GNA14: variants seen among roughly 807,000 people sequenced by gnomAD.
GNA14 encodes the protein G protein subunit alpha 14.
GNA14 carries 50 observed loss-of-function variants against 42.0 expected under a neutral mutation model. That is an observed-to-expected ratio of 1.19 (90% CI 0.95 to 1.51). GNA14 has a LOEUF of 1.51. GNA14 is among the 40% of genes most tolerant of loss of function. The probability of loss-of-function intolerance (pLI) is 0.00; values close to 1 mark genes in which losing one functional copy is unlikely to be tolerated. For missense variants in GNA14, 473 were observed against 446.2 expected (o/e 1.06, Z -0.54); for synonymous variants, 173 against 163.1 (o/e 1.06, Z -0.46).
chr9:77,579,851 C>T (rs1823188957), intron 1 of GNA14, among the ~76,000 whole-genome samples: 1 of 152,226 alleles, frequency 6.6e-6, no homozygotes. Flanking sequence ...CCCTTCCTTG[C>T]CACCAATCCC....
chr9:77,475,011 C>G (rs1490346306), intron 2 of GNA14, among the ~76,000 whole-genome samples: 2 of 139,894 alleles, frequency 1.4e-5, no homozygotes, highest in Non-Finnish European at 3.0e-5. Flanking sequence ...GAAATAGGAG[C>G]ATGATGGCTT....
chr9:77,519,171 G>C (rs926920515), intron 2 of GNA14, among the ~76,000 whole-genome samples: 7 of 152,188 alleles, frequency 4.6e-5, no homozygotes, highest in African/African-American at 1.7e-4. Flanking sequence ...AACATTATGG[G>C]AGGCCGAGGC....
chr9:77,517,693 A>C (rs1837282504), intron 2 of GNA14: 1 of 133,088 alleles, frequency 7.5e-6, no homozygotes, highest in African/African-American at 2.8e-5. Flanking sequence ...TGCAGCCTCG[A>C]CATCCCCAGG....
chr9:77,620,245 G>A (rs1823899024), intron 1 of GNA14, among the ~76,000 whole-genome samples: 1 of 152,154 alleles, frequency 6.6e-6, no homozygotes, highest in South Asian at 2.1e-4. Flanking sequence ...TACTGATGAG[G>A]AGCCTCTGTG....
intron 2 of GNA14, among the ~76,000 whole-genome samples, chr9:77,502,263 T>C (rs1331188645): frequency 6.6e-6 from 1 of 152,224 alleles, no homozygotes; most frequent in Non-Finnish European, 1.5e-5. Flanking sequence ...CTAACATCCC[T>C]GCCACCTTGT....
chr9:77,475,779 G>A (rs777460779), intron 2 of GNA14, among the ~76,000 whole-genome samples: 1 of 152,208 alleles, frequency 6.6e-6, no homozygotes, highest in Non-Finnish European at 1.5e-5. Flanking sequence ...GCACCTAGGA[G>A]AGCATATGCT....
intron 2 of GNA14, among the ~76,000 whole-genome samples, chr9:77,496,495 G>A (rs755067343): frequency 5.9e-5 from 9 of 152,212 alleles, no homozygotes; most frequent in Non-Finnish European, 1.0e-4. Flanking sequence ...CCCAGATATA[G>A]GAGTGGCTGA....
chr9:77,628,635 G>A (rs879979983), intron 1 of GNA14, among the ~76,000 whole-genome samples: 1 of 152,006 alleles, frequency 6.6e-6, no homozygotes, highest in Non-Finnish European at 1.5e-5. Flanking sequence ...CAAGCAATGG[G>A]GAAAGAATTC....
intron 1 of GNA14, among the ~76,000 whole-genome samples, chr9:77,553,905 A>G (rs1837815196): frequency 6.6e-6 from 1 of 152,236 alleles, no homozygotes; most frequent in South Asian, 2.1e-4. Flanking sequence ...TAGGAGACCA[A>G]TTAGTTATGT....
chr9:77,518,064 C>G (rs1440525202), intron 2 of GNA14: 2 of 152,098 alleles, frequency 1.3e-5, no homozygotes, highest in African/African-American at 4.8e-5. Context: ...GTAGCCTGTT[C>G]AGGACACAGC....
intron 2 of GNA14, among the ~76,000 whole-genome samples, chr9:77,519,043 C>G (rs1421886100): frequency 6.6e-6 from 1 of 152,172 alleles, no homozygotes; most frequent in Non-Finnish European, 1.5e-5. Context: ...CAAAAAGAAG[C>G]ATCAGTTATA....
chr9:77,615,904 G>C (rs1356750359), intron 1 of GNA14, among the ~76,000 whole-genome samples: 2 of 151,724 alleles, frequency 1.3e-5, no homozygotes, highest in African/African-American at 4.8e-5. Flanking sequence ...AGATAACATA[G>C]AGTCAAAGGG....
chr9:77,495,144 A>G (rs1228043876), intron 2 of GNA14, among the ~76,000 whole-genome samples: 1 of 152,204 alleles, frequency 6.6e-6, no homozygotes, highest in Non-Finnish European at 1.5e-5. Context: ...TTTCAAGAGC[A>G]AACACGAAGA....
chr9:77,594,442 G>A (rs1823434081), intron 1 of GNA14, among the ~76,000 whole-genome samples: 1 of 152,154 alleles, frequency 6.6e-6, no homozygotes, highest in Non-Finnish European at 1.5e-5. Context: ...TCTCCAGCTG[G>A]CCCTAAATAG....
At chr9:77,464,699 A>G (rs1201103839) in intron 2 of GNA14, among the ~76,000 whole-genome samples, 1 of 152,162 alleles carries the variant, frequency 6.6e-6, no homozygotes, top group Non-Finnish European at 1.5e-5. Flanking sequence ...CGCCGTACCT[A>G]TTAGGATTCT....
Position 77,423,940 on chromosome 9 carries a change from T to C in GNA14, c.*39A>G, listed in dbSNP as rs373667344. On this transcript the variant is annotated 3_prime_UTR_variant, in exon 7 of 7. Coordinates refer to ENST00000341700, the MANE Select transcript of GNA14 (RefSeq NM_004297.4). ...GCAAATAAAACAAGGAGTTTGCAAATCACATCTTCTGTTATAGGGGAGGAG... is the reference window on the plus strand; with the variant it reads ...GCAAATAAAACAAGGAGTTTGCAAACCACATCTTCTGTTATAGGGGAGGAG... The C allele has an allele frequency of 4.9e-6, 7 of 1,440,406 alleles. No individual in the cohort carries two copies. The African/African-American group carries it at 7.1e-5, about 15-fold the overall frequency. The allele number at this position is 1,440,406 out of a possible 1,614,324, so 89.2% of individuals were successfully genotyped here.
At chr9:77,475,941 C>A (rs1416466096) in intron 2 of GNA14, among the ~76,000 whole-genome samples, 1 of 152,166 alleles carries the variant, frequency 6.6e-6, no homozygotes, top group African/African-American at 2.4e-5. Context: ...CTAAAATTGT[C>A]ACCTCAGTAG....
At chr9:77,485,603 T>A (rs976371010) in intron 2 of GNA14, among the ~76,000 whole-genome samples, 1 of 152,212 alleles carries the variant, frequency 6.6e-6, no homozygotes, top group African/African-American at 2.4e-5. Context: ...CTATGACAGC[T>A]ATAGCCTTAA....
intron 1 of GNA14, among the ~76,000 whole-genome samples, chr9:77,627,082 CCAT>C (rs1824023449): frequency 6.6e-6 from 1 of 152,132 alleles, no homozygotes. Flanking sequence ...ATACAAACTA[CCAT>C]CAGAGAATAC....
Sources: allele counts gnomAD v4.1 joint callset (sites outside exome capture counted in the v4.1 genomes callset), GRCh38; gene constraint gnomAD v4.1.1; transcripts MANE v1.5; gene names NCBI Gene and HGNC (gene_info 2026-07-23, HGNC 2026-07-21).